MEG3: variants seen among roughly 807,000 people sequenced by gnomAD.
MEG3 encodes Very putative protein from MEG3 locus.
At chr14:100,840,281 G>A (rs748608646) in intron 2 of MEG3, among the ~76,000 whole-genome samples, 3 of 152,158 alleles carry the variant, frequency 2.0e-5, no homozygotes, top group South Asian at 2.1e-4. Context: ...GGCTTGCCTC[G>A]ACTCTGAGCA....
upstream of MEG3, chr14:100,854,890 T>G (rs1366418570): frequency 6.5e-6 from 1 of 152,694 alleles, no homozygotes; most frequent in Non-Finnish European, 1.5e-5. Context: ...GAATGGAACA[T>G]TTTGGATCAG....
At chr14:100,836,421 C>G (rs1039449195) in intron 2 of MEG3, 4 of 427,696 alleles carry the variant, frequency 9.4e-6, no homozygotes, top group Non-Finnish European at 1.8e-5. Flanking sequence ...AAGGTGAATT[C>G]TCTTCACATC....
At position 100,834,469 on chromosome 14, in the gene MEG3, T is replaced by C. The variant is rs118099503; in HGVS notation, n.1501T>C. On this transcript the variant is annotated non_coding_transcript_exon_variant, in exon 1 of 4. Transcript: ENST00000398461. ...TCCCCACGTCCCCATCCTGCTTGGG[T>C]TTCTGGACTTTTCTGAGGCACCGGC... The C allele has an allele frequency of 4.6e-4, 142 of 312,012 alleles. No individual in the cohort carries two copies. The East Asian group carries it at 8.4e-3, about 19-fold the overall frequency. 19.3% of individuals were successfully genotyped at this position (312,012 alleles called of 1,614,324 possible). A position where few individuals can be genotyped will look rare whatever the true frequency, so the allele number is the denominator to read the frequency against.
chr14:100,830,546 C>A (rs1304565356), downstream of MEG3: 2 of 152,212 alleles, frequency 1.3e-5, no homozygotes, highest in Non-Finnish European at 2.9e-5. Context: ...GTGAGAACAG[C>A]ACTCAGTAGG....
At chr14:100,852,367 G>A (rs1342009594), upstream of MEG3, 10 of 533,644 alleles carry the variant, frequency 1.9e-5, no homozygotes, top group African/African-American at 9.6e-5. Flanking sequence ...TTTGGAAGGC[G>A]GAGGACATGG....
chr14:100,836,048 C>A, intron 1 of MEG3: 1 of 366,646 alleles, frequency 2.7e-6, no homozygotes, highest in South Asian at 2.1e-5. Flanking sequence ...CCAGTAGTCA[C>A]CCCACTCCAC....
chr14:100,844,160 GC>G (rs1210719839), intron 2 of MEG3, among the ~76,000 whole-genome samples: 1 of 152,106 alleles, frequency 6.6e-6, no homozygotes, highest in African/African-American at 2.4e-5. Context: ...GCTTCTGCCT[GC>G]CCTGGTGCCC....
At chr14:100,836,086 G>A (rs189014857) in intron 1 of MEG3, 6 of 393,098 alleles carry the variant, frequency 1.5e-5, no homozygotes, top group Admixed American at 1.0e-4. Flanking sequence ...GTGAGGCCGT[G>A]CCCCGAGTCT....
At chr14:100,843,339 C>A (rs895589903) in intron 2 of MEG3, among the ~76,000 whole-genome samples, 1 of 152,076 alleles carries the variant, frequency 6.6e-6, no homozygotes, top group Non-Finnish European at 1.5e-5. Context: ...GCCTGAGTCT[C>A]GTTGCCACCT....
At chr14:100,836,765 G>A (rs1439061920) in intron 2 of MEG3, among the ~76,000 whole-genome samples, 3 of 152,298 alleles carry the variant, frequency 2.0e-5, no homozygotes, top group East Asian at 1.9e-4. Context: ...CCATGGTAGC[G>A]TCACCCCCTG....
intron 2 of MEG3, among the ~76,000 whole-genome samples, chr14:100,836,748 C>A (rs2037595159): frequency 6.6e-6 from 1 of 152,204 alleles, no homozygotes; most frequent in African/African-American, 2.4e-5. Flanking sequence ...ACATTTCTTT[C>A]CACCAGCCAT....
chr14:100,857,484 T>A (rs1408609604), exon 1 of MEG3: 3 of 152,222 alleles, frequency 2.0e-5, no homozygotes, highest in Non-Finnish European at 2.9e-5. Context: ...GCTTTACTAG[T>A]CCTAAGTGAA....
chr14:100,846,099 A>G (rs2037910215), intron 3 of MEG3: 1 of 152,250 alleles, frequency 6.6e-6, no homozygotes, highest in Non-Finnish European at 1.5e-5. Context: ...ACACTCAGCC[A>G]TGTTAATGGG....
chr14:100,852,138 G>A (rs926516943), intron 3 of MEG3: 1 of 354,356 alleles, frequency 2.8e-6, no homozygotes, highest in Non-Finnish European at 5.6e-6. Flanking sequence ...CATGCTCAGA[G>A]TGACTCTGTA....
chr14:100,827,051 G>A (rs1418315104), intron 1 of MEG3, among the ~76,000 whole-genome samples: 3 of 152,060 alleles, frequency 2.0e-5, no homozygotes, highest in African/African-American at 4.8e-5. Flanking sequence ...AAGGGGGTGT[G>A]TTGCTGGGGT....
At position 100,845,404 on chromosome 14, in the gene MEG3, C is replaced by A; in HGVS notation, n.3046-54C>A. 4.5e-6 allele frequency: 2 copies of A among 440,246 alleles called. No homozygotes were observed. The allele number at this position is 440,246 out of a possible 1,614,324, so 27.3% of individuals were successfully genotyped here. On this transcript the variant is annotated intron_variant and non_coding_transcript_variant, in intron 2 of 3. Coordinates refer to the MEG3 transcript ENST00000398461. This position sits in a 1 kb window ranked among gnomAD's most constrained non-coding sequence, Gnocchi z 5.2. ...TGTTGTCCTCATCCGCCCTCCTCCT[C>A]CTCGCCGGCCTGAGTGAGGTTCTAC...
upstream of MEG3, chr14:100,852,322 C>T (rs1469469108): frequency 9.0e-5 from 48 of 531,098 alleles, no homozygotes; most frequent in Middle Eastern, 1.2e-3. Flanking sequence ...GTGGTTCCCA[C>T]GCTTCTAGCT....
At chr14:100,829,619 G>T (rs532040398), downstream of MEG3, 1 of 152,214 alleles carries the variant, frequency 6.6e-6, no homozygotes, top group South Asian at 2.1e-4. Flanking sequence ...TAGAGGAGGT[G>T]ATCAGCAAAT....
chr14:100,839,265 G>A (rs1453984068), intron 2 of MEG3, among the ~76,000 whole-genome samples: 2 of 152,160 alleles, frequency 1.3e-5, no homozygotes, highest in Admixed American at 6.5e-5. Flanking sequence ...GAAAAGCCCT[G>A]GGTCGCTGGG....
Sources: gnomAD v4.1 joint callset for allele counts (sites outside exome capture counted in the v4.1 genomes callset) on GRCh38, gnomAD v4.1.1 for gene constraint, Gnocchi (gnomAD v3.1) non-coding constraint, MANE v1.5 for transcripts, NCBI Gene and HGNC (gene_info 2026-07-23, HGNC 2026-07-21) for gene names.